The following MICAL2 variants were observed in gnomAD, a reference collection of about 807,000 sequenced individuals.
MICAL2 encodes the protein microtubule associated monooxygenase, calponin and LIM domain containing 2.
MICAL2 carries 77 observed loss-of-function variants against 127.3 expected under a neutral mutation model. The ratio of observed to expected loss-of-function variants is 0.60; its 90% CI spans 0.50 to 0.73. MICAL2 has a LOEUF of 0.73. MICAL2 is among the 30% of genes least tolerant of loss of function. The probability of loss-of-function intolerance (pLI) is 0.00; values close to 1 mark genes in which losing one functional copy is unlikely to be tolerated. For missense variants in MICAL2, 1,351 were observed against 1,434.4 expected (o/e 0.94, Z 0.94); for synonymous variants, 570 against 551.1 (o/e 1.03, Z -0.48).
intron 1 of MICAL2, among the ~76,000 whole-genome samples, chr11:12,119,724 T>A (rs150796470): frequency 3.4e-4 from 52 of 152,240 alleles, no homozygotes; most frequent in African/African-American, 1.2e-3. Context: ...GTGGGGTAGT[T>A]TCAAATGACA....
chr11:12,253,135 G>A (rs1341866399), intron 22 of MICAL2: 1 of 152,204 alleles, frequency 6.6e-6, no homozygotes, highest in Non-Finnish European at 1.5e-5. Flanking sequence ...TTTGCAGAAG[G>A]GGGTATGTAT....
At chr11:12,302,969 GC>G (rs754287235) in intron 29 of MICAL2, among the ~76,000 whole-genome samples, 36 of 152,312 alleles carry the variant, frequency 2.4e-4, no homozygotes, top group Admixed American at 3.9e-4. Flanking sequence ...TGCCAGGGAG[GC>G]CCCAGGAAAT....
chr11:12,340,075 T>C (rs1938835093), intron 32 of MICAL2, among the ~76,000 whole-genome samples: 2 of 152,202 alleles, frequency 1.3e-5, no homozygotes, highest in South Asian at 4.1e-4. Context: ...CCTTCCAGAA[T>C]ATTTTCAATC....
chr11:12,252,216 C>T (rs1861639517), intron 22 of MICAL2, among the ~76,000 whole-genome samples: 1 of 152,216 alleles, frequency 6.6e-6, no homozygotes, highest in Non-Finnish European at 1.5e-5. Context: ...TTGTCCTGAG[C>T]TGATACACCT....
At chr11:12,152,297 CA>C (rs540812572) in intron 2 of MICAL2, among the ~76,000 whole-genome samples, 76 of 38,392 alleles carry the variant, frequency 2.0e-3, no homozygotes, top group East Asian at 0.013. Flanking sequence ...GACTCTGTCT[CA>C]AAAAAAAAAA....
chr11:12,272,854 G>C (rs776835487), upstream of MICAL2, among the ~76,000 whole-genome samples: 2 of 152,148 alleles, frequency 1.3e-5, no homozygotes, highest in Non-Finnish European at 2.9e-5. Context: ...GCAGGAACAT[G>C]AGTGACAGCC....
At chr11:12,154,268 A>T (rs1853917179) in intron 2 of MICAL2, among the ~76,000 whole-genome samples, 1 of 152,156 alleles carries the variant, frequency 6.6e-6, no homozygotes, top group Admixed American at 6.5e-5. Context: ...TTGGAGAAAG[A>T]TCACATTGCT....
upstream of MICAL2, among the ~76,000 whole-genome samples, chr11:12,271,375 T>A (rs1863674391): frequency 6.6e-6 from 1 of 152,118 alleles, no homozygotes; most frequent in Admixed American, 6.5e-5. Context: ...AGAGGGCTGG[T>A]GGTGTGGGCA....
chr11:12,223,708 A>C (rs886377030), intron 12 of MICAL2, among the ~76,000 whole-genome samples: 1 of 152,184 alleles, frequency 6.6e-6, no homozygotes, highest in Non-Finnish European at 1.5e-5. Context: ...AATCATTATG[A>C]AGATGAAAGG....
downstream of MICAL2, among the ~76,000 whole-genome samples, chr11:12,293,222 G>C (rs905674143): frequency 6.6e-6 from 1 of 152,076 alleles, no homozygotes; most frequent in African/African-American, 2.4e-5. Flanking sequence ...ACCCACAGAG[G>C]CCCAGCCAGT....
At chr11:12,168,519 CCACA>C in intron 3 of MICAL2, among the ~76,000 whole-genome samples, 1 of 150,752 alleles carries the variant, frequency 6.6e-6, no homozygotes, top group South Asian at 2.1e-4. Context: ...ATACATAACA[CCACA>C]CACACACTAC....
intron 1 of MICAL2, among the ~76,000 whole-genome samples, chr11:12,137,868 T>C (rs1851976008): frequency 3.3e-5 from 5 of 152,340 alleles, no homozygotes; most frequent in Admixed American, 2.0e-4. Context: ...TGAAATAATG[T>C]GGGTCGTCAC....
chr11:12,245,762 G>A (rs75924783), intron 21 of MICAL2, among the ~76,000 whole-genome samples: 3,346 of 152,340 alleles, frequency 0.022, 95 homozygotes, highest in Admixed American at 0.06. Context: ...GTGGAGACAG[G>A]CATTTTTGTC....
chr11:12,259,841 C>G lies in MICAL2; in HGVS notation c.3278C>G (p.Pro1093Arg), dbSNP rs1240666525. The G allele has an allele frequency of 6.3e-7, 1 of 1,596,990 alleles. No individual in the cohort carries two copies. The highest frequency in any genetic ancestry group is 1.3e-5 in the African/African-American group (1 of 74,476). Residue 1093 changes from proline to arginine, a missense_variant, in exon 26 of 28, where the codon CCC becomes CGC. Transcript: ENST00000683283. ...QEQEAPRRDTPTESSCAVAAI... is the reference protein window; with the variant it reads ...QEQEAPRRDTRTESSCAVAAI... The stretch of plus-strand genomic sequence containing the variant: ...CAGGAAGCCCCTCGGAGAGACACTC[C>G]CACCGAAAGTTCTTGCGCAGTGGCC...
chr11:12,258,598 C>T (rs1428538671), intron 25 of MICAL2, 42 bp downstream of exon 25: 1 of 1,569,484 alleles, frequency 6.4e-7, no homozygotes, highest in Admixed American at 1.7e-5. Flanking sequence ...GGGAAGGCCC[C>T]TTGATAAGGG....
At chr11:12,223,066 C>T (rs778598823) in intron 11 of MICAL2, among the ~76,000 whole-genome samples, 1 of 152,180 alleles carries the variant, frequency 6.6e-6, no homozygotes, top group South Asian at 2.1e-4. Flanking sequence ...TGCATACCAC[C>T]CTTGGTCCTG....
chr11:12,342,308 G>A (rs1473652943), intron 32 of MICAL2, among the ~76,000 whole-genome samples: 1 of 152,238 alleles, frequency 6.6e-6, no homozygotes, highest in Non-Finnish European at 1.5e-5. Flanking sequence ...TGGAGATGTG[G>A]ATAAGCAAAC....
chr11:12,213,511 A>T, intron 7 of MICAL2, 101 bp downstream of exon 7: 2 of 1,206,556 alleles, frequency 1.7e-6, no homozygotes, highest in Non-Finnish European at 2.3e-6. Flanking sequence ...TTGGGCCTCG[A>T]GGGACTCACT....
intron 32 of MICAL2, among the ~76,000 whole-genome samples, chr11:12,330,883 C>G (rs34736510): frequency 0.38 from 42,396 of 111,716 alleles, 9,044 homozygotes; most frequent in Non-Finnish European, 0.51. Flanking sequence ...GAGAGAGAGA[C>G]AGAGAGAGAG....
Sources: allele counts gnomAD v4.1 joint callset (sites outside exome capture counted in the v4.1 genomes callset), GRCh38; gene constraint gnomAD v4.1.1; transcripts MANE v1.5; gene names NCBI Gene and HGNC (gene_info 2026-07-23, HGNC 2026-07-21).